Variants in SAP130 observed in about 807,000 individuals in gnomAD.
SAP130 encodes the protein histone deacetylase complex subunit SAP130.
SAP130 carries 16 observed loss-of-function variants against 103.2 expected under a neutral mutation model. The observed-to-expected ratio is 0.16, with a 90% CI of 0.10 to 0.24. The LOEUF (loss-of-function observed/expected upper bound fraction) is 0.24, where lower values mean the gene tolerates loss of function less well. SAP130 is among the 10% of genes least tolerant of loss of function. SAP130 has a pLI of 1.00. For synonymous variants in SAP130, 477 were observed against 497.0 expected (o/e 0.96, Z 0.53); for missense variants, 990 against 1,359.7 (o/e 0.73, Z 4.28).
chr2:127,965,645 C>G, intron 15 of SAP130, among the ~76,000 whole-genome samples: 1 of 151,898 alleles, frequency 6.6e-6, no homozygotes, highest in East Asian at 1.9e-4. Flanking sequence ...CAAAAATTAG[C>G]TGGGCATAGT....
chr2:128,015,051 C>G (rs749882528), intron 4 of SAP130, 137 bp from the exon 5 acceptor site: 37 of 644,422 alleles, frequency 5.7e-5, no homozygotes, highest in Non-Finnish European at 8.8e-5. Context: ...TAAGGACATT[C>G]AGCTTGAGCT....
intron 18 of SAP130, among the ~76,000 whole-genome samples, chr2:127,947,233 C>A (rs893043128): frequency 6.6e-6 from 1 of 152,114 alleles, no homozygotes; most frequent in African/African-American, 2.4e-5. Flanking sequence ...TTATTCTGGA[C>A]TTCTAGCCCC....
intron 7 of SAP130, among the ~76,000 whole-genome samples, chr2:128,002,524 G>T (rs576056668): frequency 6.6e-6 from 1 of 151,908 alleles, no homozygotes; most frequent in African/African-American, 2.4e-5. Flanking sequence ...GCAAGAGTCT[G>T]TCTCAAAAAA....
intron 2 of SAP130, among the ~76,000 whole-genome samples, chr2:128,019,426 C>T (rs528575750): frequency 3.5e-4 from 54 of 152,276 alleles, no homozygotes; most frequent in African/African-American, 1.2e-3. Context: ...TGCCACCACA[C>T]CTGGCTAATT....
chr2:127,956,218 C>T (rs1363947254), intron 15 of SAP130, among the ~76,000 whole-genome samples: 6 of 152,162 alleles, frequency 3.9e-5, no homozygotes, highest in South Asian at 2.1e-4. Flanking sequence ...GGAGGGCAGG[C>T]GTGCCTGGAG....
intron 15 of SAP130, among the ~76,000 whole-genome samples, chr2:127,971,512 C>T (rs1297004748): frequency 6.6e-6 from 1 of 152,182 alleles, no homozygotes; most frequent in Non-Finnish European, 1.5e-5. Flanking sequence ...TGGTCTCGAT[C>T]TCCTGACCTC....
At chr2:127,999,952 T>C (rs1392328488) in intron 9 of SAP130, 104 bp downstream of exon 9, 9 of 1,447,158 alleles carry the variant, frequency 6.2e-6, no homozygotes, top group Middle Eastern at 1.8e-4. Context: ...AGAATTTTTC[T>C]AGCCCGTTGT....
chr2:127,959,433 C>T (rs964847525), intron 15 of SAP130, among the ~76,000 whole-genome samples: 4 of 152,214 alleles, frequency 2.6e-5, no homozygotes, highest in East Asian at 1.9e-4. Flanking sequence ...TCTAGACTTA[C>T]CCGGCCAGGT....
At chr2:127,999,338 G>A (rs1232120298) in intron 10 of SAP130, among the ~76,000 whole-genome samples, 1 of 152,126 alleles carries the variant, frequency 6.6e-6, no homozygotes, top group Non-Finnish European at 1.5e-5. Context: ...TCAGCTGAGT[G>A]CGGTGGCTCA....
At chr2:128,015,812 C>G (rs1684730539) in intron 4 of SAP130, among the ~76,000 whole-genome samples, 1 of 151,716 alleles carries the variant, frequency 6.6e-6, no homozygotes, top group Non-Finnish European at 1.5e-5. Context: ...GTGGTGGTGC[C>G]CGCTTGTAAT....
chr2:128,023,940 TTC>T (rs1685326629), intron 2 of SAP130, among the ~76,000 whole-genome samples: 1 of 78,112 alleles, frequency 1.3e-5, no homozygotes, highest in Non-Finnish European at 2.5e-5. Context: ...CTCTAGAATA[TTC>T]TAGAGAAAAT....
At chr2:128,016,573 A>G (rs747601618) in intron 3 of SAP130, 26 bp from the exon 4 acceptor site, 26 of 1,598,070 alleles carry the variant, frequency 1.6e-5, no homozygotes, top group Admixed American at 1.0e-4. Context: ...CACACAAAAC[A>G]TATCAATGGC....
chr2:127,974,198 C>G (rs1681288671), intron 15 of SAP130, among the ~76,000 whole-genome samples: 1 of 152,176 alleles, frequency 6.6e-6, no homozygotes, highest in Admixed American at 6.6e-5. Context: ...CAGAGTGATT[C>G]TTTTAAAATA....
At chr2:127,947,756 GTGTGTGTC>G (rs1441265620) in intron 18 of SAP130, among the ~76,000 whole-genome samples, 61 of 135,908 alleles carry the variant, frequency 4.5e-4, no homozygotes, top group African/African-American at 1.7e-3. Flanking sequence ...ATTTTGTATT[GTGTGTGTC>G]TGTGTGTGTG....
rs758358283 is a variant in SAP130, at chr2:127,950,390, G to C, written c.2441C>G (p.Thr814Ser). 1 of 1,614,202 alleles carries C rather than the reference G, an allele frequency of 6.2e-7. No individual in the cohort carries two copies. The highest frequency in any genetic ancestry group is 2.2e-5 in the East Asian group (1 of 44,888). ...RPVSAVPPLA[T>S]NTVSPSLALL... is the part of the protein sequence containing the mutation. The stretch of plus-strand genomic sequence containing the variant: ...TGCAAGAGATGGAGACACAGTGTTG[G>C]TAGCCAGTGGAGGAACTGCTGTCAT... Residue 814 changes from threonine to serine, a missense_variant, in exon 17 of 21, where the codon ACC (threonine) becomes AGC (serine). Physicochemically the swap from Thr to Ser is moderately conservative, Grantham distance 58. Transcript: ENST00000643581.
rs1400849960 is a variant in SAP130 at position 127,944,358 on chromosome 2, A to AT, written c.2901+1097dup. Among the ~76,000 whole-genome samples the AT allele has an allele frequency of 3.3e-5, 5 of 152,020 alleles. No homozygotes were observed. In the South Asian group the frequency reaches 1.0e-3, roughly 32 times the overall value. On this transcript the variant is annotated intron_variant, in intron 19 of 20. Transcript: ENST00000643581. The stretch of plus-strand genomic sequence containing the variant: ...GCCCCTTATGTTCTATTAAAAAAAA[A>AT]TTTTAACTTTTTATACTTGTTAAAA...
At chr2:128,008,812 T>G (rs1368023407) in intron 7 of SAP130, among the ~76,000 whole-genome samples, 4 of 151,822 alleles carry the variant, frequency 2.6e-5, no homozygotes, top group Non-Finnish European at 5.9e-5. Flanking sequence ...CAGCTTCCCA[T>G]GTAGCTGGGA....
At chr2:127,947,764 C>CTGTGTGTGTGTGAGTGTGTGTG (rs1679198610) in intron 18 of SAP130, among the ~76,000 whole-genome samples, 2 of 143,312 alleles carry the variant, frequency 1.4e-5, no homozygotes, top group African/African-American at 2.6e-5. Context: ...TTGTGTGTGT[C>CTGTGTGTGTGTGAGTGTGTGTG]TGTGTGTGTG....
At chr2:128,015,525 T>G (rs1483323878) in intron 4 of SAP130, among the ~76,000 whole-genome samples, 1 of 152,092 alleles carries the variant, frequency 6.6e-6, no homozygotes, top group Non-Finnish European at 1.5e-5. Context: ...GAAGGGAAAG[T>G]TTTTAGATTT....
Sources: allele counts gnomAD v4.1 joint callset (sites outside exome capture counted in the v4.1 genomes callset), GRCh38; gene constraint gnomAD v4.1.1; transcripts MANE v1.5; gene names NCBI Gene and HGNC (gene_info 2026-07-23, HGNC 2026-07-21).